Variants in NXPE2 observed in about 807,000 individuals in gnomAD.
NXPE2 encodes the protein NXPE family member 2.
In NXPE2, 34 loss-of-function variants were observed where a neutral mutation model predicts 34.4. The observed-to-expected ratio is 0.99, with a 90% confidence interval of 0.75 to 1.31. The LOEUF is 1.31. Ranked by LOEUF, NXPE2 falls within the 40% of genes most tolerant of loss-of-function variation. NXPE2 has a pLI of 0.00. For synonymous variants in NXPE2, 235 were observed against 231.3 expected (o/e 1.02, Z -0.15); for missense variants, 649 against 672.5 (o/e 0.97, Z 0.39).
At chr11:114,718,602 T>C in the NXPE2 span, among the ~76,000 whole-genome samples, 1 of 152,160 alleles carries the variant, frequency 6.6e-6, no homozygotes, top group Non-Finnish European at 1.5e-5. Flanking sequence ...AAGGCTACAA[T>C]AATTGTGGGA....
At chr11:114,648,659 T>G in the NXPE2 span, among the ~76,000 whole-genome samples, 2 of 152,212 alleles carry the variant, frequency 1.3e-5, no homozygotes, top group African/African-American at 4.8e-5. Context: ...TGCATCTCCT[T>G]AAGTCATACT....
At chr11:114,599,204 AG>A in the NXPE2 span, among the ~76,000 whole-genome samples, 1 of 152,152 alleles carries the variant, frequency 6.6e-6, no homozygotes, top group African/African-American at 2.4e-5. Context: ...TCCCTTGGAC[AG>A]GGGTACAGTG....
At chr11:114,493,320 A>G in the NXPE2 span, among the ~76,000 whole-genome samples, 2 of 152,060 alleles carry the variant, frequency 1.3e-5, no homozygotes, top group Non-Finnish European at 2.9e-5. Flanking sequence ...ATTCAATGTT[A>G]TTATTGATAA....
chr11:114,700,904 A>G (rs1413946961), intron 3 of NXPE2, among the ~76,000 whole-genome samples: 1 of 152,056 alleles, frequency 6.6e-6, no homozygotes, highest in Non-Finnish European at 1.5e-5. Context: ...GTTTTCTGAT[A>G]TGTCTTCAGA....
chr11:114,530,562 G>A, the NXPE2 span: 1,662 of 1,613,956 alleles, frequency 1.0e-3, 16 homozygotes, highest in African/African-American at 0.018. Context: ...AGCACCTGCC[G>A]TCAGTGCTGG....
chr11:114,501,705 A>C, the NXPE2 span, among the ~76,000 whole-genome samples: 1 of 152,138 alleles, frequency 6.6e-6, no homozygotes, highest in African/African-American at 2.4e-5. Context: ...AGAGCTGTCA[A>C]ATGAAGTGCA....
the NXPE2 span, among the ~76,000 whole-genome samples, chr11:114,601,788 TGTG>T: frequency 1.7e-4 from 12 of 72,044 alleles, no homozygotes; most frequent in African/African-American, 5.8e-4. Flanking sequence ...TTATATAACA[TGTG>T]ATATATGATT....
At chr11:114,773,784 A>G in the NXPE2 span, among the ~76,000 whole-genome samples, 30 of 152,366 alleles carry the variant, frequency 2.0e-4, no homozygotes, top group African/African-American at 6.0e-4. Flanking sequence ...AGGTGGAAGA[A>G]GGGAGAATTT....
chr11:114,716,534 T>A, the NXPE2 span, among the ~76,000 whole-genome samples: 1 of 152,194 alleles, frequency 6.6e-6, no homozygotes, highest in Non-Finnish European at 1.5e-5. Flanking sequence ...TCTGGCATGG[T>A]GGGACCTGGG....
At chr11:114,630,785 G>T in the NXPE2 span, among the ~76,000 whole-genome samples, 19 of 151,768 alleles carry the variant, frequency 1.3e-4, no homozygotes, top group East Asian at 3.7e-3. Context: ...CTGATAAAGG[G>T]TTAATATCCA....
the NXPE2 span, among the ~76,000 whole-genome samples, chr11:114,725,008 G>C: frequency 6.7e-6 from 1 of 148,178 alleles, no homozygotes; most frequent in African/African-American, 2.5e-5. Context: ...TTTTTCACTT[G>C]AACCCAGGAG....
the NXPE2 span, among the ~76,000 whole-genome samples, chr11:114,599,438 G>T: frequency 6.6e-6 from 1 of 152,106 alleles, no homozygotes; most frequent in Non-Finnish European, 1.5e-5. Context: ...TCCAGTTAAA[G>T]TTGCTTTGAC....
the NXPE2 span, among the ~76,000 whole-genome samples, chr11:114,642,301 T>C: frequency 6.6e-6 from 1 of 152,082 alleles, no homozygotes; most frequent in African/African-American, 2.4e-5. Flanking sequence ...TACCTGACCA[T>C]GAGCAGTGGT....
the NXPE2 span, among the ~76,000 whole-genome samples, chr11:114,636,956 A>G: frequency 6.6e-6 from 1 of 152,026 alleles, no homozygotes; most frequent in African/African-American, 2.4e-5. Flanking sequence ...TGGGGTGGAG[A>G]GTTCTGTAGA....
At chr11:114,601,863 A>T in the NXPE2 span, among the ~76,000 whole-genome samples, 1 of 11,252 alleles carries the variant, frequency 8.9e-5, no homozygotes, top group Non-Finnish European at 1.3e-4. Context: ...TATAATATAC[A>T]ATTATATATA....
chr11:114,582,488 A>G, the NXPE2 span: 2 of 1,614,146 alleles, frequency 1.2e-6, no homozygotes, highest in East Asian at 2.2e-5. Context: ...GGGAAGTGCC[A>G]TTGACAAACT....
At chr11:114,723,382 T>C in the NXPE2 span, among the ~76,000 whole-genome samples, 141,052 of 152,222 alleles carry the variant, frequency 0.93, 65,378 homozygotes, top group African/African-American at 0.93. Context: ...GAGGAAAGAT[T>C]ACATTTTATT....
chr11:114,538,991 T>C, the NXPE2 span, among the ~76,000 whole-genome samples: 1 of 147,606 alleles, frequency 6.8e-6, no homozygotes, highest in African/African-American at 2.5e-5. Flanking sequence ...ACACGTGTGT[T>C]TATTGAGGCA....
the NXPE2 span, among the ~76,000 whole-genome samples, chr11:114,535,229 G>A: frequency 6.6e-6 from 1 of 152,162 alleles, no homozygotes; most frequent in African/African-American, 2.4e-5. Flanking sequence ...ACAAGCAAAT[G>A]CTGAGAGATT....
Sources: allele counts gnomAD v4.1 joint callset (sites outside exome capture counted in the v4.1 genomes callset), GRCh38; gene constraint gnomAD v4.1.1; transcripts MANE v1.5; gene names NCBI Gene and HGNC (gene_info 2026-07-23, HGNC 2026-07-21).